Variants in CPVL observed in about 807,000 individuals in gnomAD.
CPVL encodes carboxypeptidase vitellogenic like.
A neutral mutation model predicts 63.7 loss-of-function variants in CPVL; 51 were observed. The ratio of observed to expected loss-of-function variants is 0.80; its 90% CI spans 0.64 to 1.01. CPVL has a LOEUF of 1.01. Among genes scored for constraint, CPVL ranks in the 50% least tolerant of loss-of-function variants. The probability of loss-of-function intolerance (pLI) is 0.00; values close to 1 mark genes in which losing one functional copy is unlikely to be tolerated. For missense variants in CPVL, 530 were observed against 573.1 expected, an observed-to-expected ratio of 0.92 and a Z score of 0.77; for synonymous variants, 195 against 206.0, an observed-to-expected ratio of 0.95 and a Z score of 0.46.
intron 11 of CPVL, among the ~76,000 whole-genome samples, chr7:29,053,902 AAAAG>A (rs1242470064): frequency 6.6e-6 from 1 of 151,680 alleles, no homozygotes; most frequent in East Asian, 1.9e-4. Context: ...AAAAAAAAAA[AAAAG>A]AAAGAAAAAA....
chr7:29,123,665 A>T (rs1197070791), intron 1 of CPVL, among the ~76,000 whole-genome samples: 4 of 128,852 alleles, frequency 3.1e-5, no homozygotes, highest in Non-Finnish European at 4.9e-5. Context: ...ATGCAATATT[A>T]AAAAAAAATA....
intron 1 of CPVL, among the ~76,000 whole-genome samples, chr7:29,128,633 T>C (rs938869584): frequency 1.3e-5 from 2 of 150,280 alleles, no homozygotes; most frequent in African/African-American, 2.5e-5. Flanking sequence ...GGGGAATCGC[T>C]TGAACCCAGG....
chr7:29,169,036 T>A (rs988036521), intron 5 of CPVL, among the ~76,000 whole-genome samples: 1 of 152,220 alleles, frequency 6.6e-6, no homozygotes, highest in Non-Finnish European at 1.5e-5. Flanking sequence ...TGGACTCAAA[T>A]TGTGGTTTGA....
intron 1 of CPVL, among the ~76,000 whole-genome samples, chr7:29,135,335 ATT>A (rs34928416): frequency 4.1e-5 from 6 of 146,180 alleles, no homozygotes; most frequent in Admixed American, 6.8e-5. Context: ...ATTGTATTAG[ATT>A]TTTTTTTTTT....
At chr7:29,152,867 C>T (rs2078583161) in intron 5 of CPVL, among the ~76,000 whole-genome samples, 1 of 152,232 alleles carries the variant, frequency 6.6e-6, no homozygotes, top group African/African-American at 2.4e-5. Flanking sequence ...GCAAATTCTC[C>T]TCCATGGTCT....
chr7:29,150,363 A>G (rs1213311072), upstream of CPVL, among the ~76,000 whole-genome samples: 1 of 152,378 alleles, frequency 6.6e-6, no homozygotes, highest in East Asian at 1.9e-4. Flanking sequence ...GGCTCAAAAA[A>G]TGGCAGCTGT....
chr7:29,073,586 C>G (rs1783958980), intron 7 of CPVL, among the ~76,000 whole-genome samples: 1 of 152,192 alleles, frequency 6.6e-6, no homozygotes, highest in African/African-American at 2.4e-5. Flanking sequence ...TCTGCCAGGC[C>G]TTTGGACCAG....
chr7:29,177,432 T>G (rs1797499353), intron 5 of CPVL, among the ~76,000 whole-genome samples: 1 of 152,090 alleles, frequency 6.6e-6, no homozygotes, highest in Non-Finnish European at 1.5e-5. Flanking sequence ...TTTTGTATTT[T>G]TAGTAGAGAT....
Position 29,095,071 on chromosome 7 carries a change from A to G in CPVL, c.462+13T>C, listed in dbSNP as rs756215038. The G allele has an allele frequency of 1.2e-6, 2 of 1,610,054 alleles. No individual in the cohort carries two copies. The highest frequency in any genetic ancestry group is 1.7e-6 in the Non-Finnish European group (2 of 1,176,244). On this transcript the variant is annotated intron_variant, in intron 5 of 12. Transcript: ENST00000265394. ...GCCAGCACTGACAGCTCACAGGGTC[A>G]TCCCGGACTTACTGGATTGTCAATG...
At chr7:29,195,048 C>G in intron 1 of CPVL, 2 of 1,536,630 alleles carry the variant, frequency 1.3e-6, no homozygotes, top group Non-Finnish European at 1.8e-6. Flanking sequence ...ACTGCCCTCG[C>G]CCCGCAGCCT....
At chr7:29,175,476 G>C (rs1797184893) in intron 5 of CPVL, among the ~76,000 whole-genome samples, 1 of 152,040 alleles carries the variant, frequency 6.6e-6, no homozygotes, top group African/African-American at 2.4e-5. Context: ...ATGCCTGGCT[G>C]AGAGCTGATG....
At chr7:29,152,742 C>T (rs1187134975) in intron 5 of CPVL, among the ~76,000 whole-genome samples, 2 of 152,220 alleles carry the variant, frequency 1.3e-5, no homozygotes, top group East Asian at 1.9e-4. Context: ...GAGTTAACGC[C>T]ATTTTGTCTC....
chr7:29,161,109 C>T (rs112674804), intron 5 of CPVL, among the ~76,000 whole-genome samples: 6 of 152,262 alleles, frequency 3.9e-5, no homozygotes, highest in African/African-American at 1.2e-4. Flanking sequence ...TAAACCCCTT[C>T]GTTCTACCTT....
intron 5 of CPVL, among the ~76,000 whole-genome samples, chr7:29,179,649 T>C (rs562231241): frequency 2.5e-4 from 38 of 152,372 alleles, no homozygotes; most frequent in African/African-American, 9.1e-4. Flanking sequence ...TAAATAAATA[T>C]TCTCCTTTTT....
At chr7:29,194,424 G>C (rs1783337497) in intron 1 of CPVL, 1 of 152,880 alleles carries the variant, frequency 6.5e-6, no homozygotes, top group Non-Finnish European at 1.5e-5. Context: ...CTTCCTTTGT[G>C]TGTGCGCGAG....
intron 6 of CPVL, among the ~76,000 whole-genome samples, chr7:29,091,138 T>C (rs1025295748): frequency 6.6e-6 from 1 of 152,200 alleles, no homozygotes; most frequent in African/African-American, 2.4e-5. Flanking sequence ...ACAACAGCTA[T>C]AAACAATAGA....
intron 3 of CPVL, among the ~76,000 whole-genome samples, chr7:29,096,787 C>A (rs1786447484): frequency 6.6e-6 from 1 of 151,846 alleles, no homozygotes; most frequent in Non-Finnish European, 1.5e-5. Flanking sequence ...AGTTCAAGAC[C>A]AGCCTGGCCA....
chr7:28,997,118 A>C (rs554523989), intron 12 of CPVL, among the ~76,000 whole-genome samples: 2 of 152,336 alleles, frequency 1.3e-5, no homozygotes, highest in African/African-American at 4.8e-5. Context: ...GGAAACGGGA[A>C]GCTGTCATGA....
chr7:29,169,460 A>G, intron 5 of CPVL, among the ~76,000 whole-genome samples: 1 of 152,176 alleles, frequency 6.6e-6, no homozygotes, highest in East Asian at 1.9e-4. Flanking sequence ...TTTTATATAA[A>G]TGTTTATATA....
Sources: allele counts gnomAD v4.1 joint callset (sites outside exome capture counted in the v4.1 genomes callset), GRCh38; gene constraint gnomAD v4.1.1; transcripts MANE v1.5; gene names NCBI Gene and HGNC (gene_info 2026-07-23, HGNC 2026-07-21).